The following PCID2 variants were observed in gnomAD, a reference collection of about 807,000 sequenced individuals.
The protein encoded by PCID2 is PCI domain-containing protein 2.
Under a neutral mutation model 61.3 loss-of-function variants are expected in PCID2, and 41 were observed. The observed-to-expected ratio is 0.67, with a 90% confidence interval of 0.52 to 0.87. The LOEUF (loss-of-function observed/expected upper bound fraction) is 0.87. PCID2 is among the 40% of genes least tolerant of loss of function. PCID2 has a pLI of 0.00. For synonymous variants in PCID2, 187 were observed against 177.8 expected, an observed-to-expected ratio of 1.05 and a Z score of -0.41; for missense variants, 392 against 493.4, an observed-to-expected ratio of 0.79 and a Z score of 1.95.
At chr13:113,192,123 T>A (rs562952817) in intron 6 of PCID2, among the ~76,000 whole-genome samples, 3 of 152,176 alleles carry the variant, frequency 2.0e-5, no homozygotes, top group Admixed American at 2.0e-4. Context: ...CCCGGTATCA[T>A]GGCGTAGACC....
intron 8 of PCID2, 71 bp downstream of exon 8, chr13:113,185,414 A>G (rs1487725012): frequency 2.0e-6 from 2 of 1,011,250 alleles, no homozygotes; most frequent in Non-Finnish European, 3.2e-6. Flanking sequence ...TAGCTGATAT[A>G]TATATGATAT....
At chr13:113,208,298 C>T in intron 1 of PCID2, 1 of 1,431,614 alleles carries the variant, frequency 7.0e-7, no homozygotes, top group Non-Finnish European at 9.1e-7. Flanking sequence ...GGGAGCGCGG[C>T]CACACGTGCC....
chr13:113,207,936 G>A (rs902864321), intron 1 of PCID2: 3 of 1,135,040 alleles, frequency 2.6e-6, no homozygotes, highest in Non-Finnish European at 2.7e-6. Flanking sequence ...CCACAGTGCT[G>A]GTTCTGAAGA....
chr13:113,186,754 C>G (rs1011645580), intron 7 of PCID2: 2 of 152,042 alleles, frequency 1.3e-5, no homozygotes, highest in South Asian at 4.1e-4. Context: ...AGCCTAGGAC[C>G]CACAGGCTGC....
At chr13:113,191,086 G>A (rs2038577491) in intron 6 of PCID2, 111 bp from the exon 7 acceptor site, 5 of 611,658 alleles carry the variant, frequency 8.2e-6, no homozygotes, top group East Asian at 3.1e-5. Flanking sequence ...TCAACCTCCT[G>A]GGCTCCACTG....
At chr13:113,176,708 A>G (rs2037197198), downstream of PCID2, among the ~76,000 whole-genome samples, 1 of 152,218 alleles carries the variant, frequency 6.6e-6, no homozygotes. Flanking sequence ...GGCTGCAGTA[A>G]GCACTGACTG....
In PCID2 at chr13:113,181,242, G is replaced by A. The variant is rs1220119280; in HGVS notation, c.686-12C>T. On this transcript the variant is annotated splice_polypyrimidine_tract_variant and intron_variant, in intron 9 of 13. Coordinates refer to ENST00000337344, the MANE Select transcript of PCID2 (RefSeq NM_001127202.4). ...CAGGTACTCCTCAGCTGCAAAGAAG[G>A]CAGAGCCAGCACGCATGAGACCAAC... 3.2e-6 allele frequency: 5 copies of A among 1,574,880 alleles called. No individual in the cohort carries two copies. Among genetic ancestry groups the A allele is most frequent in the Non-Finnish European group, 4.4e-6 (5 of 1,144,768 alleles).
At chr13:113,168,187 G>GA in the PCID2 span, among the ~76,000 whole-genome samples, 8 of 152,194 alleles carry the variant, frequency 5.3e-5, no homozygotes, top group Non-Finnish European at 1.0e-4. Context: ...AAAGAATAAG[G>GA]AAAAAAACCT....
chr13:113,165,539 TG>T, the PCID2 span, among the ~76,000 whole-genome samples: 17 of 152,212 alleles, frequency 1.1e-4, no homozygotes, highest in African/African-American at 4.1e-4. Flanking sequence ...GTTTTTGGTT[TG>T]TTTTTTTTGA....
chr13:113,202,950 TTGAC>T (rs975315661), intron 1 of PCID2, among the ~76,000 whole-genome samples: 1 of 152,162 alleles, frequency 6.6e-6, no homozygotes, highest in Non-Finnish European at 1.5e-5. Context: ...TTTGTGGAAT[TTGAC>T]TGTCCTTATT....
At chr13:113,194,748 T>A (rs1309553805) in intron 6 of PCID2, among the ~76,000 whole-genome samples, 1 of 152,148 alleles carries the variant, frequency 6.6e-6, no homozygotes, top group Non-Finnish European at 1.5e-5. Flanking sequence ...AGGCCACATC[T>A]TAAAGGTAGA....
chr13:113,208,588 C>G lies in PCID2; in HGVS notation c.36+11G>C, dbSNP rs56771694. The G allele has an allele frequency of 8.9e-4, 1,433 of 1,607,696 alleles. 11 individuals carry two copies. In the African/African-American group the frequency reaches 0.017, roughly 19 times the overall value. ...AACCACGCCGCCGCGCGCTCCCCGG[C>G]TAGGACCCACCTGCTGCAGGTACTG... is the stretch of plus-strand genomic sequence containing the variant. On this transcript the variant is annotated intron_variant, in intron 1 of 13. Coordinates refer to ENST00000337344, the MANE Select transcript of PCID2 (RefSeq NM_001127202.4).
chr13:113,181,326 G>A, intron 9 of PCID2, 96 bp from the exon 10 acceptor site: 1 of 706,320 alleles, frequency 1.4e-6, no homozygotes, highest in Non-Finnish European at 2.5e-6. Flanking sequence ...GATTTAAAAG[G>A]CAAAAGCCCC....
the PCID2 span, chr13:113,172,140 C>T: frequency 1.3e-3 from 2,144 of 1,607,708 alleles, 32 homozygotes; most frequent in African/African-American, 0.025. Flanking sequence ...ACAACACAAC[C>T]GGAAGCGGGA....
chr13:113,191,028 TGTC>T (rs2038571081), intron 6 of PCID2, 53 bp from the exon 7 acceptor site: 23 of 1,368,832 alleles, frequency 1.7e-5, no homozygotes, highest in Non-Finnish European at 2.4e-5. Flanking sequence ...GATCTTGCTG[TGTC>T]GTCCAGGCTG....
chr13:113,174,996 C>T (rs1004301728), downstream of PCID2, among the ~76,000 whole-genome samples: 3 of 152,160 alleles, frequency 2.0e-5, no homozygotes, highest in African/African-American at 4.8e-5. Flanking sequence ...GATTGGATCA[C>T]GGGGGCGGCT....
At position 113,179,910 on chromosome 13, in the gene PCID2, T is replaced by C. The variant is rs1267868615; in HGVS notation, c.986+7A>G. The stretch of plus-strand genomic sequence containing the variant: ...CTGGGAGCCCAATGTGCCGGGGAAA[T>C]GCTTACACTTTCTTAAAGAGGTTCC... On this transcript the variant is annotated splice_region_variant and intron_variant, in intron 12 of 13. Coordinates refer to ENST00000337344, the MANE Select transcript of PCID2 (RefSeq NM_001127202.4). This position sits in a 1 kb window ranked among gnomAD's most constrained non-coding sequence, Gnocchi z 4.3. 3.1e-6 allele frequency: 5 copies of C among 1,610,876 alleles called. No homozygotes were observed. The highest frequency in any genetic ancestry group is 4.2e-6 in the Non-Finnish European group (5 of 1,178,534).
Position 113,184,496 on chromosome 13 carries a change from A to G in PCID2, c.544-9T>C. 2 of 1,512,560 alleles carry G rather than the reference A, an allele frequency of 1.3e-6. No homozygotes were observed. Among genetic ancestry groups the G allele is most frequent in the Non-Finnish European group, 1.8e-6 (2 of 1,090,446 alleles). 93.7% of individuals were successfully genotyped at this position (1,512,560 alleles called of 1,614,324 possible). On this transcript the variant is annotated splice_polypyrimidine_tract_variant and intron_variant, in intron 8 of 13. Coordinates refer to ENST00000337344, the MANE Select transcript of PCID2 (RefSeq NM_001127202.4). ...AAATGGAGTTTGTTGATCTATAATGAATAACAATCCATTTAAAATATTTAA... is the reference window on the plus strand; with the variant it reads ...AAATGGAGTTTGTTGATCTATAATGGATAACAATCCATTTAAAATATTTAA...
chr13:113,199,947 G>C (rs1221698155), intron 2 of PCID2, among the ~76,000 whole-genome samples: 1 of 152,214 alleles, frequency 6.6e-6, no homozygotes, highest in African/African-American at 2.4e-5. Context: ...TGAGGAAACA[G>C]GGCTTTACCA....
Sources: allele counts gnomAD v4.1 joint callset (sites outside exome capture counted in the v4.1 genomes callset), GRCh38; gene constraint gnomAD v4.1.1; non-coding constraint Gnocchi (gnomAD v3.1); transcripts MANE v1.5; gene names NCBI Gene and HGNC (gene_info 2026-07-23, HGNC 2026-07-21).